The following SLC26A7 variants were observed in gnomAD, a reference collection of about 807,000 sequenced individuals.
SLC26A7 encodes the protein solute carrier family 26 member 7.
Under a neutral mutation model 82.5 loss-of-function variants are expected in SLC26A7, and 59 were observed. That is an observed-to-expected ratio of 0.72 (90% confidence interval 0.58 to 0.89). The LOEUF is 0.89. Ranked by LOEUF, SLC26A7 falls within the 40% of genes least tolerant of loss-of-function variation. The probability of loss-of-function intolerance (pLI) is 0.00; values close to 1 mark genes in which losing one functional copy is unlikely to be tolerated. For missense variants in SLC26A7, 820 were observed against 793.0 expected (o/e 1.03, Z -0.41); for synonymous variants, 271 against 274.3 (o/e 0.99, Z 0.12).
intron 15 of SLC26A7, among the ~76,000 whole-genome samples, chr8:91,371,126 A>G (rs1177442931): frequency 6.6e-6 from 1 of 151,966 alleles, no homozygotes; most frequent in Non-Finnish European, 1.5e-5. Context: ...GATTTTTAAA[A>G]GAATGAAATA....
At chr8:91,332,272 T>C (rs1196166491) in intron 5 of SLC26A7, among the ~76,000 whole-genome samples, 1 of 143,606 alleles carries the variant, frequency 7.0e-6, no homozygotes, top group African/African-American at 2.5e-5. Context: ...TAATTATATA[T>C]AGTTATAAAT....
At chr8:91,363,422 A>G in intron 12 of SLC26A7, 50 bp from the exon 13 acceptor site, 2 of 1,182,174 alleles carry the variant, frequency 1.7e-6, no homozygotes, top group East Asian at 2.5e-5. Flanking sequence ...CATTGTTTAT[A>G]TAATGATTAG....
intron 2 of SLC26A7, among the ~76,000 whole-genome samples, chr8:91,228,809 A>G (rs1341520531): frequency 3.3e-5 from 5 of 152,218 alleles, no homozygotes; most frequent in Admixed American, 1.3e-4. Context: ...TTCCAAATAG[A>G]GGACAAAAAA....
chr8:91,269,501 A>G (rs999966328), intron 2 of SLC26A7, among the ~76,000 whole-genome samples: 6 of 152,250 alleles, frequency 3.9e-5, no homozygotes, highest in Non-Finnish European at 8.8e-5. Flanking sequence ...TGAAAGCCAT[A>G]TTGAGACTCT....
chr8:91,289,067 ATTC>A, intron 2 of SLC26A7, 66 bp from the exon 3 acceptor site: 2 of 980,112 alleles, frequency 2.0e-6, no homozygotes, highest in Non-Finnish European at 1.6e-6. Context: ...ACCAATACCT[ATTC>A]TTTTGTGTAA....
intron 12 of SLC26A7, 34 bp from the exon 13 acceptor site, chr8:91,363,438 G>T: frequency 1.5e-6 from 2 of 1,307,570 alleles, no homozygotes; most frequent in South Asian, 1.3e-5. Context: ...ATTAGGAAAT[G>T]ACTTGTTTTA....
rs1315326711 is a variant in SLC26A7, at chr8:91,295,643, C to T, written c.417C>T (p.Asp139=). ...ACACAAGCGTGCTGGGCTTATCCGA[C>T]TTTGAAATGCAAAGGATCCACGTTG... The part of the protein sequence containing the change: ...QSNTSVLGLS[D]FEMQRIHVAA... The change falls in exon 4 of 19, where the codon GAC becomes GAT. Residue 139 remains aspartate, a synonymous_variant. Transcript: ENST00000276609. 4 of 1,614,092 alleles carry T rather than the reference C, an allele frequency of 2.5e-6. No individual in the cohort carries two copies. The East Asian group carries it at 6.7e-5, about 27-fold the overall frequency.
rs775350667 is a variant in SLC26A7 at position 91,395,083 on chromosome 8, C to T, written c.1957C>T (p.His653Tyr). 1 of 1,613,284 alleles carries T rather than the reference C, an allele frequency of 6.2e-7. No homozygotes were observed. Among genetic ancestry groups the T allele is most frequent in the Non-Finnish European group, 8.5e-7 (1 of 1,179,410 alleles). Reference protein sequence around the residue: ...SNKNLSKLSDHSEV With the variant: ...SNKNLSKLSDYSEV ...TCAGAATTTGAGCAAACTCAGTGAC[C>T]ACAGTGAAGTCTGAGACCCTTTTGT... Residue 653 changes from histidine to tyrosine, a missense_variant, in exon 19 of 19, where the codon CAC becomes TAC. His to Tyr is a moderately conservative substitution (Grantham distance 83). Transcript: ENST00000276609.
intron 9 of SLC26A7, among the ~76,000 whole-genome samples, chr8:91,350,921 T>A (rs140557372): frequency 6.6e-6 from 1 of 152,280 alleles, no homozygotes; most frequent in East Asian, 1.9e-4. Context: ...CCACCAGCAA[T>A]GCCTGAGAAT....
chr8:91,317,745 A>G (rs1186628656), intron 4 of SLC26A7, among the ~76,000 whole-genome samples: 1 of 152,048 alleles, frequency 6.6e-6, no homozygotes, highest in Non-Finnish European at 1.5e-5. Flanking sequence ...TAAATTACAG[A>G]TATAGCAAGG....
Position 91,341,349 on chromosome 8 carries a change from G to A in SLC26A7, c.1026+798G>A, listed in dbSNP as rs549383548. The stretch of plus-strand genomic sequence containing the variant: ...TTTTTATGGCTGCATAGTATTCCAT[G>A]GTGTATATGTGCCACATTTTCTTGA... On this transcript the variant is annotated intron_variant, in intron 8 of 18. Transcript: ENST00000276609. 2.0e-5 allele frequency among the ~76,000 whole-genome samples: 3 copies of A among 152,110 alleles called. No individual in the cohort carries two copies. In the South Asian group the frequency reaches 6.3e-4, roughly 32 times the overall value.
chr8:91,368,855 C>T (rs952864739), intron 14 of SLC26A7, among the ~76,000 whole-genome samples: 3 of 152,136 alleles, frequency 2.0e-5, no homozygotes, highest in African/African-American at 7.2e-5. Context: ...CTGAATGTTA[C>T]ATAAAAAGGG....
chr8:91,241,794 A>T (rs1471233055), intron 2 of SLC26A7, among the ~76,000 whole-genome samples: 1 of 152,180 alleles, frequency 6.6e-6, no homozygotes, highest in East Asian at 1.9e-4. Flanking sequence ...TACTTCGCAC[A>T]TAAAAAGCTG....
At chr8:91,366,743 G>A (rs776033714) in intron 14 of SLC26A7, 26 bp downstream of exon 14, 11 of 1,600,078 alleles carry the variant, frequency 6.9e-6, no homozygotes, top group Middle Eastern at 1.8e-4. Context: ...TGATTAGAAT[G>A]TCATACTACA....
At chr8:91,322,079 G>C (rs1812805681) in intron 5 of SLC26A7, among the ~76,000 whole-genome samples, 1 of 152,054 alleles carries the variant, frequency 6.6e-6, no homozygotes, top group Non-Finnish European at 1.5e-5. Flanking sequence ...AGATACTAAT[G>C]CTTTTCCTCT....
At chr8:91,354,755 A>G (rs1346657011) in intron 11 of SLC26A7, among the ~76,000 whole-genome samples, 6 of 152,094 alleles carry the variant, frequency 3.9e-5, no homozygotes, top group Non-Finnish European at 8.8e-5. Context: ...GTTAGTCCTC[A>G]CCACCAGTTC....
At chr8:91,354,954 T>C (rs1813822227) in intron 11 of SLC26A7, among the ~76,000 whole-genome samples, 1 of 152,140 alleles carries the variant, frequency 6.6e-6, no homozygotes, top group Non-Finnish European at 1.5e-5. Context: ...TCATCTCTGT[T>C]TTCTGTACAT....
intron 15 of SLC26A7, among the ~76,000 whole-genome samples, chr8:91,383,764 A>G (rs769301580): frequency 6.6e-6 from 1 of 152,088 alleles, no homozygotes; most frequent in Non-Finnish European, 1.5e-5. Context: ...TGCTGGGTCT[A>G]CCTCCACTGC....
At chr8:91,225,294 G>C (rs1182519800) in intron 2 of SLC26A7, among the ~76,000 whole-genome samples, 1 of 152,204 alleles carries the variant, frequency 6.6e-6, no homozygotes, top group African/African-American at 2.4e-5. Flanking sequence ...CTAGATCCCA[G>C]TGGCATGGGT....
Sources: allele counts gnomAD v4.1 joint callset (sites outside exome capture counted in the v4.1 genomes callset), GRCh38; gene constraint gnomAD v4.1.1; transcripts MANE v1.5; gene names NCBI Gene and HGNC (gene_info 2026-07-23, HGNC 2026-07-21).